PCDHA8: variants seen among roughly 807,000 people sequenced by gnomAD.
The protein encoded by PCDHA8 is protocadherin alpha-8.
PCDHA8 carries 53 observed loss-of-function variants against 61.8 expected under a neutral mutation model. The ratio of observed to expected loss-of-function variants is 0.86; its 90% confidence interval spans 0.69 to 1.08. The LOEUF (loss-of-function observed/expected upper bound fraction) is 1.08, where lower values mean the gene tolerates loss of function less well. Among genes scored for constraint, PCDHA8 ranks in the 50% least tolerant of loss-of-function variants. The pLI, the probability that PCDHA8 is intolerant of heterozygous loss-of-function variation, is 0.00. For missense variants in PCDHA8, 1,293 were observed against 1,245.0 expected (o/e 1.04, Z -0.58); for synonymous variants, 618 against 556.6 (o/e 1.11, Z -1.55).
intron 1 of PCDHA8, among the ~76,000 whole-genome samples, chr5:140,959,188 G>A (rs782018838): frequency 6.6e-6 from 1 of 151,982 alleles, no homozygotes; most frequent in Non-Finnish European, 1.5e-5. Context: ...ACCAGTCTGG[G>A]CAACATGGTG....
At chr5:140,843,795 T>C in intron 1 of PCDHA8, 80 bp downstream of exon 1, 2 of 1,353,268 alleles carry the variant, frequency 1.5e-6, no homozygotes, top group Non-Finnish European at 2.0e-6. Flanking sequence ...AGATTTAGTT[T>C]TTCACCGTAT....
rs1031755500 is a variant in PCDHA8 at position 140,856,096 on chromosome 5, G to T, written c.2394+12381G>T. ...TGGGGGTCCAGTGTCTGCTGCTCTC[G>T]CTTCTTCTCCTCGCAGCCTGGGAGG... On this transcript the variant is annotated intron_variant, in intron 1 of 3. Transcript: ENST00000531613. 7 of 1,597,458 alleles carry T rather than the reference G, an allele frequency of 4.4e-6. 1 individual carries two copies. The highest frequency in any genetic ancestry group is 6.0e-6 in the Non-Finnish European group (7 of 1,167,222).
rs781967971 is a variant in PCDHA8 at position 140,875,741 on chromosome 5, T to C, written c.2394+32026T>C. 10 of 1,614,098 alleles carry C rather than the reference T, an allele frequency of 6.2e-6. No homozygotes were observed. The highest frequency in any genetic ancestry group is 8.5e-6 in the Non-Finnish European group (10 of 1,180,040). On this transcript the variant is annotated intron_variant, in intron 1 of 3. Coordinates refer to ENST00000531613, the MANE Select transcript of PCDHA8 (RefSeq NM_018911.3). ...GGCATTTTGTTTGTGAATTCTCGGA[T>C]CGACCGCGAGAAGCTGTGCGGGCGG...
intron 1 of PCDHA8, among the ~76,000 whole-genome samples, chr5:140,879,549 A>T (rs1345193552): frequency 2.0e-5 from 3 of 152,246 alleles, no homozygotes; most frequent in Admixed American, 6.5e-5. Context: ...AGAGAAAAAA[A>T]TAATCCATGA....
At chr5:141,005,422 A>G (rs1383654342) in intron 3 of PCDHA8, among the ~76,000 whole-genome samples, 3 of 152,132 alleles carry the variant, frequency 2.0e-5, no homozygotes, top group African/African-American at 7.2e-5. Flanking sequence ...AGTCATGCTA[A>G]GAATGGATGA....
chr5:140,871,007 C>T (rs1554164969), intron 1 of PCDHA8: 1 of 1,613,314 alleles, frequency 6.2e-7, no homozygotes, highest in South Asian at 1.1e-5. Context: ...ACAACGCGTG[C>T]CCTGGACGAG....
chr5:140,895,257 T>C (rs1180344268), intron 1 of PCDHA8, among the ~76,000 whole-genome samples: 2 of 152,212 alleles, frequency 1.3e-5, no homozygotes, highest in Non-Finnish European at 1.5e-5. Flanking sequence ...AGCTTTCTTT[T>C]TTTTCTTACT....
rs2150393367 is a variant in PCDHA8, at chr5:140,846,648, A to T, written c.2394+2933A>T. 2.0e-5 allele frequency among the ~76,000 whole-genome samples: 3 copies of T among 149,386 alleles called. No individual in the cohort carries two copies. The South Asian group carries it at 6.4e-4, about 32-fold the overall frequency. On this transcript the variant is annotated intron_variant, in intron 1 of 3. Coordinates refer to ENST00000531613, the MANE Select transcript of PCDHA8 (RefSeq NM_018911.3). ...TTCGGCCTCCTAAAGTGCTGGGATT[A>T]CAGGCATGAGCCACCGCGCCCAGCC...
intron 1 of PCDHA8, chr5:140,870,983 C>A: frequency 6.2e-7 from 1 of 1,613,520 alleles, no homozygotes; most frequent in South Asian, 1.1e-5. Context: ...GGGCTGTACA[C>A]GGGCGAGATA....
At chr5:140,860,642 GAAGAT>G (rs144102428) in intron 1 of PCDHA8, 5 of 152,352 alleles carry the variant, frequency 3.3e-5, no homozygotes, top group African/African-American at 1.2e-4. Context: ...CAGGAACGAA[GAAGAT>G]AAGTGAAATA....
intron 1 of PCDHA8, among the ~76,000 whole-genome samples, chr5:140,953,932 C>G (rs1005245846): frequency 1.2e-4 from 19 of 152,060 alleles, no homozygotes; most frequent in Non-Finnish European, 5.9e-5. Flanking sequence ...CTGATGCTCT[C>G]CCTCCCATTG....
intron 1 of PCDHA8, chr5:140,877,318 G>A: frequency 6.2e-7 from 1 of 1,614,000 alleles, no homozygotes; most frequent in Non-Finnish European, 8.5e-7. Context: ...ACCGGCGGCG[G>A]TCGGCGCGCA....
chr5:140,866,363 C>T (rs550714417), intron 1 of PCDHA8: 20 of 152,216 alleles, frequency 1.3e-4, no homozygotes, highest in Non-Finnish European at 2.2e-4. Context: ...TACAATATTG[C>T]ATACTTCAAT....
At position 140,884,316 on chromosome 5, in the gene PCDHA8, C is replaced by T. The variant is rs563652109; in HGVS notation, c.2394+40601C>T. The T allele has an allele frequency of 3.1e-6, 5 of 1,613,752 alleles. No individual in the cohort carries two copies. The East Asian group carries it at 8.9e-5, about 29-fold the overall frequency. On this transcript the variant is annotated intron_variant, in intron 1 of 3. Coordinates refer to ENST00000531613, the MANE Select transcript of PCDHA8 (RefSeq NM_018911.3). ...GCGCCACAGGCTTCGTCGAGGGCGT[C>T]GGCAGGCGCTGTGGGTCCAGAAGCG...
chr5:140,960,541 C>T (rs1200507322), intron 1 of PCDHA8, among the ~76,000 whole-genome samples: 1 of 151,924 alleles, frequency 6.6e-6, no homozygotes, highest in Non-Finnish European at 1.5e-5. Context: ...GAAACTGTGG[C>T]CTTCATATAG....
At chr5:140,923,480 C>G (rs1554201462) in intron 1 of PCDHA8, among the ~76,000 whole-genome samples, 1 of 152,064 alleles carries the variant, frequency 6.6e-6, no homozygotes, top group African/African-American at 2.4e-5. Context: ...AGTGAGCCAT[C>G]TTCACACCAC....
chr5:140,967,049 A>G (rs782123539), intron 1 of PCDHA8: 12 of 1,612,528 alleles, frequency 7.4e-6, no homozygotes, highest in Non-Finnish European at 9.3e-6. Flanking sequence ...GCTGGACCTG[A>G]CGAGTGGAGC....
chr5:140,883,071 A>T, intron 1 of PCDHA8: 1 of 1,614,116 alleles, frequency 6.2e-7, no homozygotes, highest in Non-Finnish European at 8.5e-7. Context: ...AATGCCACAG[A>T]TCCTGATGAT....
chr5:141,002,166 G>A (rs1212034616), intron 3 of PCDHA8, among the ~76,000 whole-genome samples: 1 of 152,234 alleles, frequency 6.6e-6, no homozygotes, highest in Non-Finnish European at 1.5e-5. Context: ...TGGGCGGTAG[G>A]CAGGCTCCAG....
Sources: allele counts gnomAD v4.1 joint callset (sites outside exome capture counted in the v4.1 genomes callset), GRCh38; gene constraint gnomAD v4.1.1; transcripts MANE v1.5; gene names NCBI Gene and HGNC (gene_info 2026-07-23, HGNC 2026-07-21).